Variants in UBE2QL1 observed in about 807,000 individuals in gnomAD.
UBE2QL1 encodes the protein ubiquitin conjugating enzyme E2 QL1.
In UBE2QL1, 5 loss-of-function variants were observed where a neutral mutation model predicts 12.6. The ratio of observed to expected loss-of-function variants is 0.40; its 90% CI spans 0.21 to 0.83. The LOEUF is 0.83. Ranked by LOEUF, UBE2QL1 falls within the 40% of genes least tolerant of loss-of-function variation. UBE2QL1 has a pLI of 0.37. For missense variants in UBE2QL1, 99 were observed against 222.6 expected (o/e 0.44, Z 3.53); for synonymous variants, 96 against 94.5 (o/e 1.02, Z -0.10).
At position 6,452,461 on chromosome 5, in the gene UBE2QL1, GT is replaced by G. The variant is rs150950486; in HGVS notation, c.354+3220del. Among the ~76,000 whole-genome samples the G allele has an allele frequency of 0.021, 3,132 of 152,110 alleles. 163 individuals carry two copies. The East Asian group carries it at 0.22, about 11-fold the overall frequency. The stretch of plus-strand genomic sequence containing the variant: ...TAGAGGCATTTTTAGGTAACTCTTA[GT>G]TTTTTATAATTGGATTTTAAAACTC... On this transcript the variant is annotated intron_variant, in intron 1 of 1. Transcript: ENST00000399816.
At chr5:6,482,978 C>T (rs1041031385) in intron 1 of UBE2QL1, among the ~76,000 whole-genome samples, 2 of 152,190 alleles carry the variant, frequency 1.3e-5, no homozygotes, top group African/African-American at 2.4e-5. Context: ...ACTGCACATC[C>T]GTGGTTGCGC....
chr5:6,495,309 T>G lies in UBE2QL1; in HGVS notation c.*3960T>G, dbSNP rs1056479624. On this transcript the variant is annotated 3_prime_UTR_variant, in exon 2 of 2. Transcript: ENST00000399816. ...TAGCAATTATATTTCAGTGTACCCA[T>G]CCAATAGCATGCGAAATTTTAATGG... is the stretch of plus-strand genomic sequence containing the variant. Among the ~76,000 whole-genome samples the G allele has an allele frequency of 6.6e-6, 1 of 152,166 alleles. No individual in the cohort carries two copies. The highest frequency in any genetic ancestry group is 1.5e-5 in the Non-Finnish European group (1 of 68,030).
At chr5:6,485,116 A>G (rs998301476) in intron 1 of UBE2QL1, among the ~76,000 whole-genome samples, 1 of 152,180 alleles carries the variant, frequency 6.6e-6, no homozygotes, top group East Asian at 1.9e-4. Flanking sequence ...GTGCACACAT[A>G]CACAAATGCA....
intron 1 of UBE2QL1, among the ~76,000 whole-genome samples, chr5:6,482,722 C>T (rs2126366756): frequency 6.6e-6 from 1 of 152,354 alleles, no homozygotes; most frequent in South Asian, 2.1e-4. Context: ...CAGGAGGCTG[C>T]TGAACAGCCT....
Position 6,495,083 on chromosome 5 carries a change from T to C in UBE2QL1, c.*3734T>C, listed in dbSNP as rs968259924. On this transcript the variant is annotated 3_prime_UTR_variant, in exon 2 of 2. Coordinates refer to ENST00000399816, the MANE Select transcript of UBE2QL1 (RefSeq NM_001145161.3). ...GGGCAAAGGGAAGGAGAAGGGCAGG[T>C]GTAGCAGGTGTAGAAATGGGAGGGG... is the stretch of plus-strand genomic sequence containing the variant. Among the ~76,000 whole-genome samples the C allele has an allele frequency of 6.6e-6, 1 of 152,060 alleles. No homozygotes were observed. Among genetic ancestry groups the C allele is most frequent in the Non-Finnish European group, 1.5e-5 (1 of 68,000 alleles).
At chr5:6,482,849 G>A (rs1024301772) in intron 1 of UBE2QL1, among the ~76,000 whole-genome samples, 3 of 152,220 alleles carry the variant, frequency 2.0e-5, no homozygotes, top group African/African-American at 4.8e-5. Flanking sequence ...CGCCCAAGCT[G>A]GGGATGATCC....
At chr5:6,461,501 C>A (rs1579289685) in intron 1 of UBE2QL1, among the ~76,000 whole-genome samples, 1 of 144,050 alleles carries the variant, frequency 6.9e-6, no homozygotes, top group African/African-American at 2.6e-5. Flanking sequence ...TGATTATAGG[C>A]AGAAAGCATC....
At chr5:6,461,762 T>C (rs894860839) in intron 1 of UBE2QL1, among the ~76,000 whole-genome samples, 4 of 152,122 alleles carry the variant, frequency 2.6e-5, no homozygotes, top group Non-Finnish European at 2.9e-5. Context: ...GTTAAACACA[T>C]TATTTAGCTG....
chr5:6,460,330 AAAG>A (rs571588264), intron 1 of UBE2QL1, among the ~76,000 whole-genome samples: 19 of 152,356 alleles, frequency 1.2e-4, no homozygotes, highest in Admixed American at 9.1e-4. Flanking sequence ...TCCTGCTTCT[AAAG>A]AAGAAGGAGA....
chr5:6,471,486 C>G (rs1437929655), intron 1 of UBE2QL1, among the ~76,000 whole-genome samples: 1 of 152,218 alleles, frequency 6.6e-6, no homozygotes, highest in African/African-American at 2.4e-5. Flanking sequence ...GGCTGAAGGC[C>G]TCAGTTCCTT....
chr5:6,468,791 A>C (rs1258863735), intron 1 of UBE2QL1, among the ~76,000 whole-genome samples: 2 of 152,206 alleles, frequency 1.3e-5, no homozygotes, highest in African/African-American at 4.8e-5. Flanking sequence ...TGTTTGAAAC[A>C]AGCACCTACC....
rs1163979659 is a variant in UBE2QL1 at position 6,481,052 on chromosome 5, T to C, written c.355-10166T>C. Among the ~76,000 whole-genome samples, 3 of 152,254 alleles carry C rather than the reference T, an allele frequency of 2.0e-5. No individual in the cohort carries two copies. In the East Asian group the frequency reaches 5.8e-4, roughly 29 times the overall value. ...ATAAGGTCAATAGGAGTTTTTAAGG[T>C]TTTGATAGTATTATAAACCAAGTAA... On this transcript the variant is annotated intron_variant, in intron 1 of 1. Coordinates refer to ENST00000399816, the MANE Select transcript of UBE2QL1 (RefSeq NM_001145161.3). The surrounding 1 kb of genome is among the most constrained non-coding windows in gnomAD (Gnocchi z 4.5).
chr5:6,472,496 T>A (rs552904329), intron 1 of UBE2QL1, among the ~76,000 whole-genome samples: 1 of 152,280 alleles, frequency 6.6e-6, no homozygotes, highest in Admixed American at 6.5e-5. Flanking sequence ...CCTAGAGGCA[T>A]CTAACTGCTG....
In UBE2QL1 at chr5:6,473,445, A is replaced by G. The variant is rs1579296073; in HGVS notation, c.355-17773A>G. 2.0e-5 allele frequency among the ~76,000 whole-genome samples: 3 copies of G among 152,292 alleles called. No homozygotes were observed. The East Asian group carries it at 5.8e-4, about 29-fold the overall frequency. The stretch of plus-strand genomic sequence containing the variant: ...GGGAGCATGTCAGCATCAGCGCCCG[A>G]CTGTCTCCACCCGGAACACACACGC... On this transcript the variant is annotated intron_variant, in intron 1 of 1. Coordinates refer to ENST00000399816, the MANE Select transcript of UBE2QL1 (RefSeq NM_001145161.3).
chr5:6,456,396 A>G (rs16877340), intron 1 of UBE2QL1, among the ~76,000 whole-genome samples: 1,880 of 152,298 alleles, frequency 0.012, 23 homozygotes, highest in Middle Eastern at 0.024. Flanking sequence ...ACTCGACATT[A>G]ACATGGGGCA....
In UBE2QL1 at chr5:6,456,267, A is replaced by G. The variant is rs1318874349; in HGVS notation, c.354+7020A>G. ...AGGAAATATCCATGGATCTGACAAT[A>G]GACAGTGGCCTGGGTATATAGTGGG... On this transcript the variant is annotated intron_variant, in intron 1 of 1. Transcript: ENST00000399816. 2.0e-5 allele frequency among the ~76,000 whole-genome samples: 3 copies of G among 152,200 alleles called. No homozygotes were observed. The East Asian group carries it at 5.8e-4, about 29-fold the overall frequency.
At position 6,478,936 on chromosome 5, in the gene UBE2QL1, G is replaced by A. The variant is rs989407868; in HGVS notation, c.355-12282G>A. On this transcript the variant is annotated intron_variant, in intron 1 of 1. Transcript: ENST00000399816. This position sits in a 1 kb window ranked among gnomAD's most constrained non-coding sequence, Gnocchi z 4.5. ...CCCTGGCACCCCTCCACTCCCCTCT[G>A]CTTCCTTCCTGCTCAGGGGCTTCAT... Among the ~76,000 whole-genome samples the A allele has an allele frequency of 1.3e-5, 2 of 152,136 alleles. No homozygotes were observed. The highest frequency in any genetic ancestry group is 4.8e-5 in the African/African-American group (2 of 41,430).
intron 1 of UBE2QL1, among the ~76,000 whole-genome samples, chr5:6,465,355 T>G (rs906655494): frequency 6.6e-6 from 1 of 152,192 alleles, no homozygotes; most frequent in Non-Finnish European, 1.5e-5. Flanking sequence ...TAAGCAGAGT[T>G]AGGAAACAGA....
chr5:6,453,140 TAGGATGTTTG>T (rs954273766), intron 1 of UBE2QL1, among the ~76,000 whole-genome samples: 1 of 152,164 alleles, frequency 6.6e-6, no homozygotes, highest in Non-Finnish European at 1.5e-5. Context: ...GCAGAGAACA[TAGGATGTTTG>T]AGGATGTTTG....
Sources: gnomAD v4.1 joint callset for allele counts (sites outside exome capture counted in the v4.1 genomes callset) on GRCh38, gnomAD v4.1.1 for gene constraint, Gnocchi (gnomAD v3.1) non-coding constraint, MANE v1.5 for transcripts, NCBI Gene and HGNC (gene_info 2026-07-23, HGNC 2026-07-21) for gene names.